The following CTSE variants were observed in gnomAD, a reference collection of about 807,000 sequenced individuals.
The protein encoded by CTSE is cathepsin E.
In CTSE, 43 loss-of-function variants were observed where a neutral mutation model predicts 42.8. That is an observed-to-expected ratio of 1.01 (90% confidence interval 0.79 to 1.30). The LOEUF (loss-of-function observed/expected upper bound fraction) is 1.30, where lower values mean the gene tolerates loss of function less well. Ranked by LOEUF, CTSE falls within the 50% of genes most tolerant of loss-of-function variation. CTSE has a pLI of 0.00. For synonymous variants in CTSE, 205 were observed against 191.5 expected (o/e 1.07, Z -0.58); for missense variants, 532 against 493.5 (o/e 1.08, Z -0.74).
intron 1 of CTSE, 120 bp from the exon 2 acceptor site, chr1:206,023,177 G>A: frequency 1.0e-6 from 1 of 969,786 alleles, no homozygotes; most frequent in Non-Finnish European, 1.6e-6. Context: ...GGATCTGCAA[G>A]ACAGCACGCA....
intron 1 of CTSE, 85 bp from the exon 2 acceptor site, chr1:206,023,142 C>T: frequency 3.3e-6 from 2 of 612,324 alleles, no homozygotes; most frequent in Admixed American, 2.1e-5. Context: ...CAGGGGCCAA[C>T]TAGAGAAGAT....
At chr1:206,012,901 A>C (rs535924659) in intron 6 of CTSE, among the ~76,000 whole-genome samples, 1 of 152,172 alleles carries the variant, frequency 6.6e-6, no homozygotes, top group South Asian at 2.1e-4. Flanking sequence ...TTCGTCTAAA[A>C]AATGTAGGTG....
chr1:206,014,184 C>A, intron 5 of CTSE: 1 of 356,906 alleles, frequency 2.8e-6, no homozygotes, highest in South Asian at 3.4e-5. Flanking sequence ...TCATTCAGAA[C>A]CAAGGCCAGG....
At chr1:206,020,389 G>C (rs28550641) in intron 4 of CTSE, among the ~76,000 whole-genome samples, 1 of 151,920 alleles carries the variant, frequency 6.6e-6, no homozygotes, top group Admixed American at 6.6e-5. Context: ...GAATACCCCA[G>C]GGACCAACGT....
At chr1:206,017,499 A>T (rs1487207427) in intron 4 of CTSE, among the ~76,000 whole-genome samples, 1 of 151,802 alleles carries the variant, frequency 6.6e-6, no homozygotes, top group African/African-American at 2.4e-5. Flanking sequence ...AATCCAAATG[A>T]TTTTTTTTGA....
chr1:206,022,850 G>A (rs782402265), intron 2 of CTSE, 51 bp downstream of exon 2: 3 of 1,498,526 alleles, frequency 2.0e-6, no homozygotes, highest in African/African-American at 2.8e-5. Context: ...CTAATGCTGG[G>A]CCTTCCTCCC....
In CTSE at chr1:206,013,852, G is replaced by A. The variant is rs782535666; in HGVS notation, c.705C>T (p.Gly235=). The change falls in exon 6 of 9, where the codon GGC becomes GGT. Residue 235 remains glycine (G), a synonymous_variant. Transcript: ENST00000358184. ...GGAGSELIFG[G]YDHSHFSGSL... is the part of the protein sequence containing the mutation. ...TCCCAGAGAAATGGGAGTGGTCGTA[G>A]CCTCCAAAAATCAGCTCGCTCCCCG... is the stretch of plus-strand genomic sequence containing the variant. The A allele has an allele frequency of 5.0e-6, 8 of 1,613,606 alleles. No homozygotes were observed. In the East Asian group the frequency reaches 1.8e-4, roughly 36 times the overall value.
chr1:206,015,279 G>A (rs1661231035), intron 5 of CTSE, among the ~76,000 whole-genome samples: 1 of 152,012 alleles, frequency 6.6e-6, no homozygotes, highest in African/African-American at 2.4e-5. Flanking sequence ...ATCAACAACG[G>A]TTTAAGAATT....
intron 4 of CTSE, among the ~76,000 whole-genome samples, chr1:206,016,402 T>C (rs1234009178): frequency 6.6e-6 from 1 of 152,108 alleles, no homozygotes; most frequent in East Asian, 1.9e-4. Context: ...TGCCTATTTT[T>C]TGGATTTTAT....
chr1:206,010,484 T>G (rs745604890), intron 8 of CTSE, 137 bp from the exon 9 acceptor site: 48 of 734,076 alleles, frequency 6.5e-5, no homozygotes, highest in Non-Finnish European at 1.1e-4. Context: ...TTTTGGTCGG[T>G]GGGTTCTTCC....
chr1:206,014,818 A>G (rs1164028692), intron 5 of CTSE, among the ~76,000 whole-genome samples: 2 of 152,054 alleles, frequency 1.3e-5, no homozygotes, highest in Non-Finnish European at 2.9e-5. Flanking sequence ...AGAGGTGTCT[A>G]GACAACTTGC....
chr1:206,018,202 T>C (rs142868632), intron 4 of CTSE, among the ~76,000 whole-genome samples: 5 of 152,074 alleles, frequency 3.3e-5, no homozygotes, highest in African/African-American at 1.2e-4. Context: ...GTTATTAACC[T>C]ACTAATATAA....
Position 206,013,822 on chromosome 1 carries a change from C to T in CTSE, c.735G>A (p.Leu245=). The change falls in exon 6 of 9, where the codon CTG becomes CTA. Residue 245 remains leucine (L), a synonymous_variant. Coordinates refer to ENST00000358184, the MANE Select transcript of CTSE (RefSeq NM_001910.4). Reference sequence around the variant, plus strand: ...CTTGCTTGGTGACTGGGACCCAATTCAGGCTCCCAGAGAAATGGGAGTGGT... The same window carrying T: ...CTTGCTTGGTGACTGGGACCCAATTTAGGCTCCCAGAGAAATGGGAGTGGT... The part of the protein sequence containing the change: ...GYDHSHFSGS[L]NWVPVTKQAY... The T allele has an allele frequency of 1.2e-6, 2 of 1,613,762 alleles. No individual in the cohort carries two copies. The highest frequency in any genetic ancestry group is 1.7e-6 in the Non-Finnish European group (2 of 1,179,768).
intron 6 of CTSE, among the ~76,000 whole-genome samples, chr1:206,013,109 C>G (rs549533607): frequency 1.5e-5 from 2 of 135,302 alleles, no homozygotes; most frequent in Non-Finnish European, 3.1e-5. Context: ...ATTCCTAATG[C>G]CTGGTACCTT....
intron 1 of CTSE, 99 bp downstream of exon 1, chr1:206,023,625 T>C (rs1416733353): frequency 7.8e-6 from 9 of 1,153,964 alleles, no homozygotes; most frequent in Admixed American, 5.2e-5. Flanking sequence ...CAGCTTCTCC[T>C]CCTCTTCACC....
intron 4 of CTSE, among the ~76,000 whole-genome samples, chr1:206,020,590 G>C (rs1196816684): frequency 2.0e-5 from 3 of 152,078 alleles, no homozygotes; most frequent in African/African-American, 7.2e-5. Context: ...CATGAGCTCA[G>C]CACTGAGTTC....
rs199692903 is a variant in CTSE at position 206,022,267 on chromosome 1, T to C, written c.226A>G (p.Met76Val). 9.4e-6 allele frequency: 15 copies of C among 1,601,786 alleles called. No individual in the cohort carries two copies. The highest frequency in any genetic ancestry group is 1.7e-5 in the Admixed American group (1 of 59,690). Residue 76 changes from methionine (M) to valine (V), a missense_variant and splice_region_variant, in exon 3 of 9, where the codon ATG becomes GTG. Physicochemically the swap from Met to Val is conservative, Grantham distance 21. Coordinates refer to ENST00000358184, the MANE Select transcript of CTSE (RefSeq NM_001910.4). ...ATGGAGATAGTGCCGAAGTATTCCA[T>C]CTGCAAGGAAGAGTGAGAAGGAAAG... ...AKEPLINYLD[M>V]EYFGTISIGS... is the part of the protein sequence containing the mutation.
intron 3 of CTSE, chr1:206,021,476 G>A (rs1170509457): frequency 2.9e-5 from 9 of 315,196 alleles, no homozygotes; most frequent in African/African-American, 2.0e-4. Flanking sequence ...ACCCATTGTG[G>A]GTCAGAGGTT....
chr1:206,023,577 C>G, intron 1 of CTSE, 147 bp downstream of exon 1: 1 of 690,604 alleles, frequency 1.4e-6, no homozygotes, highest in Non-Finnish European at 2.5e-6. Context: ...CACAGGCGGT[C>G]ACTGGATGAG....
Sources: gnomAD v4.1 joint callset for allele counts (sites outside exome capture counted in the v4.1 genomes callset) on GRCh38, gnomAD v4.1.1 for gene constraint, MANE v1.5 for transcripts, NCBI Gene and HGNC (gene_info 2026-07-23, HGNC 2026-07-21) for gene names.